PABPN1L: variants seen among roughly 807,000 people sequenced by gnomAD.
PABPN1L encodes PABPN1 like, cytoplasmic.
Under a neutral mutation model 34.0 loss-of-function variants are expected in PABPN1L, and 45 were observed. That is an observed-to-expected ratio of 1.32 (90% CI 1.04 to 1.70). The LOEUF (loss-of-function observed/expected upper bound fraction) is 1.70. Among genes scored for constraint, PABPN1L ranks in the 40% most tolerant of loss-of-function variants. PABPN1L has a pLI of 0.00. For synonymous variants in PABPN1L, 182 were observed against 152.1 expected (o/e 1.20, Z -1.45); for missense variants, 459 against 367.8 (o/e 1.25, Z -2.03).
upstream of PABPN1L, among the ~76,000 whole-genome samples, chr16:88,867,192 C>T (rs764324222): frequency 6.6e-6 from 1 of 151,738 alleles, no homozygotes; most frequent in South Asian, 2.1e-4. Context: ...CCCCAGGGAC[C>T]CTTGCCTCCC....
Position 88,864,320 on chromosome 16 carries a change from T to TCGAAGGCCCC in PABPN1L, c.704_713dup (p.His240ProfsTer98). On this transcript the variant is annotated frameshift_variant, in exon 6 of 7. Coordinates refer to ENST00000419291, the Ensembl canonical transcript of PABPN1L. LOFTEE classifies it high-confidence loss of function. ...GTGCCCCCCTGGAGCCTGGGTGTCC[T>TCGAAGGCCCC]CGAAGGCCCCCGCGGTCTGTGGAGC... 1 of 1,555,630 alleles carries TCGAAGGCCCC rather than the reference T, an allele frequency of 6.4e-7. No homozygotes were observed. Among genetic ancestry groups the TCGAAGGCCCC allele is most frequent in the Non-Finnish European group, 8.7e-7 (1 of 1,149,344 alleles).
At position 88,864,387 on chromosome 16, in the gene PABPN1L, A is replaced by G; in HGVS notation, c.655-8T>C. 6.4e-7 allele frequency: 1 copy of G among 1,553,420 alleles called. No individual in the cohort carries two copies. Among genetic ancestry groups the G allele is most frequent in the African/African-American group, 1.4e-5 (1 of 73,274 alleles). On this transcript the variant is annotated splice_polypyrimidine_tract_variant and splice_region_variant and intron_variant, in intron 5 of 6. Coordinates refer to ENST00000419291, the Ensembl canonical transcript of PABPN1L. ...GGTTCTTTTCGGCAGCACCTGGAGCAAAGGCCTGTTTTGAGTCCTCCTCAA... is the reference window on the plus strand; with the variant it reads ...GGTTCTTTTCGGCAGCACCTGGAGCGAAGGCCTGTTTTGAGTCCTCCTCAA...
intron 2 of PABPN1L, 54 bp downstream of exon 2, chr16:88,865,752 G>T: frequency 6.4e-7 from 1 of 1,563,332 alleles, no homozygotes. Flanking sequence ...CAACCTTAAT[G>T]GAAACTGTGG....
At chr16:88,865,028 G>A in exon 4 of PABPN1L, 2 of 1,599,694 alleles carry the variant, frequency 1.3e-6, no homozygotes, top group Non-Finnish European at 1.7e-6. Context: ...TGACCCCTTG[G>A]GGTGTCCAGA....
Position 88,865,620 on chromosome 16 carries a change from GA to G in PABPN1L, c.401del (p.Leu134ProfsTer60). The G allele has an allele frequency of 6.2e-7, 1 of 1,609,206 alleles. No homozygotes were observed. The highest frequency in any genetic ancestry group is 8.5e-7 in the Non-Finnish European group (1 of 1,178,122). ...CCACCTTCTCCTCGGGGGTCCCAGA[GA>G]GGGGGCAGCCTGCGGAGAACACAGC... On this transcript the variant is annotated frameshift_variant, in exon 3 of 7. Transcript: ENST00000419291. LOFTEE classifies it high-confidence loss of function.
exon 7 of PABPN1L, chr16:88,863,746 G>A: frequency 1.3e-6 from 2 of 1,536,010 alleles, no homozygotes; most frequent in Non-Finnish European, 1.7e-6. Context: ...CTCAAAATCG[G>A]GTCTTCCCTT....
Position 88,864,834 on chromosome 16 carries a change from C to G in PABPN1L, c.654+19G>C, listed in dbSNP as rs556264239. 4.7e-5 allele frequency: 75 copies of G among 1,593,052 alleles called. No individual in the cohort carries two copies. In the Middle Eastern group the frequency reaches 8.4e-4, roughly 18 times the overall value. On this transcript the variant is annotated intron_variant, in intron 5 of 6. Coordinates refer to ENST00000419291, the Ensembl canonical transcript of PABPN1L. ...CCCCTCTGCGCTCATGTTCCTGGAC[C>G]TGGGGAGCACCGGCGCACCTTGATG...
rs1968555436 is a variant in PABPN1L, at chr16:88,864,997, TGCCCCCACCA to T, written c.566+15_566+24del. 6.3e-7 allele frequency: 1 copy of T among 1,598,150 alleles called. No homozygotes were observed. Among genetic ancestry groups the T allele is most frequent in the South Asian group, 1.1e-5 (1 of 89,080 alleles). The stretch of plus-strand genomic sequence containing the variant: ...GGCTGGGCCCTGTCCGCATGGCCAG[TGCCCCCACCA>T]GGCCCCACACTGACCCCTTGGGGTG... On this transcript the variant is annotated intron_variant, in intron 4 of 6. Coordinates refer to ENST00000419291, the Ensembl canonical transcript of PABPN1L.
At chr16:88,867,970 G>A (rs1968634857), upstream of PABPN1L, among the ~76,000 whole-genome samples, 1 of 152,246 alleles carries the variant, frequency 6.6e-6, no homozygotes, top group Non-Finnish European at 1.5e-5. Flanking sequence ...TGTTTAGCCA[G>A]TGGGGCTGGG....
Position 88,863,535 on chromosome 16 carries a change from C to A in PABPN1L, c.*221G>T, listed in dbSNP as rs537127745. ...GTGGGGCCCATGCCAGGCTCACCAC[C>A]GGGCCGTGGCTGTGACTCGTGGCTG... On this transcript the variant is annotated 3_prime_UTR_variant, in exon 7 of 7. Transcript: ENST00000419291. 30 of 648,238 alleles carry A rather than the reference C, an allele frequency of 4.6e-5. No homozygotes were observed. The South Asian group carries it at 5.2e-4, about 11-fold the overall frequency. The allele number at this position is 648,238 out of a possible 1,614,324, so 40.2% of individuals were successfully genotyped here. A position where few individuals can be genotyped will look rare whatever the true frequency, so the allele number is the denominator to read the frequency against.
upstream of PABPN1L, among the ~76,000 whole-genome samples, chr16:88,869,793 C>T (rs917256508): frequency 2.0e-5 from 3 of 152,262 alleles, no homozygotes; most frequent in Non-Finnish European, 4.4e-5. Context: ...TCATCCTCAC[C>T]CTGTCTGAGA....
chr16:88,863,944 G>A (rs549069996), intron 6 of PABPN1L, 149 bp from the exon 7 acceptor site: 4 of 920,166 alleles, frequency 4.3e-6, no homozygotes, highest in Non-Finnish European at 6.5e-6. Context: ...ACTCCCAGCT[G>A]CTCTCTTGGG....
Position 88,865,007 on chromosome 16 carries a change from A to G in PABPN1L, c.566+15T>C. On this transcript the variant is annotated intron_variant, in intron 4 of 6. Transcript: ENST00000419291. The stretch of plus-strand genomic sequence containing the variant: ...TGTCCGCATGGCCAGTGCCCCCACC[A>G]GGCCCCACACTGACCCCTTGGGGTG... The G allele has an allele frequency of 6.3e-7, 1 of 1,599,074 alleles. No individual in the cohort carries two copies. Among genetic ancestry groups the G allele is most frequent in the Non-Finnish European group, 8.5e-7 (1 of 1,173,514 alleles).
exon 1 of PABPN1L, chr16:88,866,392 A>G (rs1386698964): frequency 6.4e-7 from 1 of 1,551,034 alleles, no homozygotes; most frequent in Admixed American, 2.0e-5. Context: ...CTCTTGCTCC[A>G]GCAGAGACAG....
At chr16:88,865,624 G>A (rs1031481794) in exon 3 of PABPN1L, 5 of 1,608,472 alleles carry the variant, frequency 3.1e-6, no homozygotes, top group East Asian at 2.2e-5. Context: ...CCCAGAGAGG[G>A]GGCAGCCTGC....
chr16:88,866,441 C>T, exon 1 of PABPN1L: 3 of 1,551,596 alleles, frequency 1.9e-6, no homozygotes, highest in Non-Finnish European at 2.6e-6. Flanking sequence ...TCCTCTGCAT[C>T]CTCTTCCTCC....
upstream of PABPN1L, among the ~76,000 whole-genome samples, chr16:88,868,813 C>A (rs1007426381): frequency 6.6e-6 from 1 of 152,172 alleles, no homozygotes; most frequent in African/African-American, 2.4e-5. Flanking sequence ...TACGTAGCCC[C>A]ACGCTCAGCG....
chr16:88,868,725 A>G (rs1968646813), upstream of PABPN1L, among the ~76,000 whole-genome samples: 1 of 152,216 alleles, frequency 6.6e-6, no homozygotes, highest in African/African-American at 2.4e-5. Flanking sequence ...GGCAAGTGGT[A>G]GCGTTCCTTT....
At chr16:88,864,302 C>T (rs763225087) in exon 6 of PABPN1L, 4 of 1,555,404 alleles carry the variant, frequency 2.6e-6, no homozygotes, top group South Asian at 1.2e-5. Context: ...AGGGTGCCCC[C>T]CTGGAGCCTG....
Sources: gnomAD v4.1 joint callset for allele counts (sites outside exome capture counted in the v4.1 genomes callset) on GRCh38, gnomAD v4.1.1 for gene constraint, MANE v1.5 for transcripts, NCBI Gene and HGNC (gene_info 2026-07-23, HGNC 2026-07-21) for gene names.